Variants in MME observed in about 807,000 individuals in gnomAD.
MME encodes the protein neprilysin.
A neutral mutation model predicts 113.2 loss-of-function variants in MME; 98 were observed. The observed-to-expected ratio is 0.87, with a 90% CI of 0.74 to 1.02. The LOEUF (loss-of-function observed/expected upper bound fraction) is 1.02. Ranked by LOEUF, MME falls within the 50% of genes least tolerant of loss-of-function variation. MME has a pLI of 0.00. For missense variants in MME, 836 were observed against 896.0 expected (o/e 0.93, Z 0.86); for synonymous variants, 292 against 300.6 (o/e 0.97, Z 0.30).
At chr3:155,147,271 G>A (rs373262381) in intron 15 of MME, 47 bp downstream of exon 15, 23 of 1,184,610 alleles carry the variant, frequency 1.9e-5, no homozygotes, top group African/African-American at 1.3e-4. Flanking sequence ...CTTAGGGCTG[G>A]TAGTAGTGTC....
intron 1 of MME, among the ~76,000 whole-genome samples, chr3:155,049,671 C>CTATCTATA (rs1449706698): frequency 2.4e-4 from 26 of 108,350 alleles, no homozygotes; most frequent in South Asian, 1.2e-3. Flanking sequence ...ATCTATCTAT[C>CTATCTATA]TATATATAGA....
At chr3:155,106,208 A>G (rs1395553645) in intron 3 of MME, among the ~76,000 whole-genome samples, 2 of 152,194 alleles carry the variant, frequency 1.3e-5, no homozygotes, top group Non-Finnish European at 2.9e-5. Flanking sequence ...GAACAGTTGT[A>G]TAGTGATGGT....
chr3:155,174,640 T>C (rs1712345493), intron 22 of MME, among the ~76,000 whole-genome samples: 1 of 152,122 alleles, frequency 6.6e-6, no homozygotes, highest in South Asian at 2.1e-4. Context: ...TGTAACCTTA[T>C]GTTTAAATAG....
intron 3 of MME, among the ~76,000 whole-genome samples, chr3:155,101,598 C>T (rs1372654525): frequency 3.3e-5 from 5 of 152,088 alleles, no homozygotes; most frequent in Non-Finnish European, 7.4e-5. Context: ...TTCTTTTTTT[C>T]TTTTCTGTCT....
At chr3:155,161,350 C>T (rs1046187171) in intron 17 of MME, among the ~76,000 whole-genome samples, 2 of 152,022 alleles carry the variant, frequency 1.3e-5, no homozygotes, top group Non-Finnish European at 2.9e-5. Flanking sequence ...CATTTCTAAA[C>T]GTGGTCTAGA....
intron 8 of MME, among the ~76,000 whole-genome samples, chr3:155,135,798 A>G (rs1056009812): frequency 2.6e-5 from 4 of 152,050 alleles, no homozygotes; most frequent in Non-Finnish European, 4.4e-5. Context: ...TGCTTCCTCT[A>G]TGATTTCTTT....
At chr3:155,133,062 A>ATAT (rs376436889) in intron 8 of MME, among the ~76,000 whole-genome samples, 17 of 75,076 alleles carry the variant, frequency 2.3e-4, no homozygotes, top group South Asian at 1.2e-3. Context: ...AAAAAAAAAA[A>ATAT]ATATATATAT....
intron 16 of MME, among the ~76,000 whole-genome samples, chr3:155,156,539 T>C (rs1232097840): frequency 6.6e-6 from 1 of 152,152 alleles, no homozygotes; most frequent in African/African-American, 2.4e-5. Flanking sequence ...ATAACGTAGT[T>C]TGTAGGTGTA....
chr3:155,131,323 G>A (rs1007400727), intron 8 of MME, among the ~76,000 whole-genome samples: 1 of 152,148 alleles, frequency 6.6e-6, no homozygotes, highest in African/African-American at 2.4e-5. Flanking sequence ...CGGCCAATAT[G>A]TGCCTCAGTG....
chr3:155,028,064 C>T lies in MME; in HGVS notation c.-11+3740C>T, dbSNP rs1026557029. On this transcript the variant is annotated intron_variant, in intron 1 of 22. Coordinates refer to the MME transcript ENST00000492661. ...GCCTTCTTTTTAAAATGGGAATGGA[C>T]TCAGTGAAAGGAAAGGGGTGAGGAC... Among the ~76,000 whole-genome samples, 4 of 152,080 alleles carry T rather than the reference C, an allele frequency of 2.6e-5. No homozygotes were observed. In the East Asian group the frequency reaches 7.7e-4, roughly 29 times the overall value.
chr3:155,100,548 A>G (rs1321870021), intron 3 of MME, among the ~76,000 whole-genome samples: 1 of 152,224 alleles, frequency 6.6e-6, no homozygotes, highest in African/African-American at 2.4e-5. Flanking sequence ...ATATACAAAT[A>G]GTATTGTGAT....
intron 3 of MME, among the ~76,000 whole-genome samples, chr3:155,092,656 G>A (rs190417359): frequency 6.6e-5 from 10 of 152,178 alleles, no homozygotes; most frequent in African/African-American, 1.9e-4. Context: ...TATAAACTAC[G>A]ATACCACACA....
At chr3:155,076,648 T>C (rs571044561), upstream of MME, among the ~76,000 whole-genome samples, 5 of 152,352 alleles carry the variant, frequency 3.3e-5, no homozygotes, top group South Asian at 1.0e-3. Flanking sequence ...ATGGCTACTC[T>C]ATAGGCACAG....
Position 155,080,426 on chromosome 3 carries a change from G to C in MME, c.-51G>C, listed in dbSNP as rs1451886225. 1 of 152,090 alleles carries C rather than the reference G, an allele frequency of 6.6e-6. No homozygotes were observed. Among genetic ancestry groups the C allele is most frequent in the Non-Finnish European group, 1.5e-5 (1 of 68,064 alleles). 9.4% of individuals were successfully genotyped at this position (152,090 alleles called of 1,614,324 possible). On this transcript the variant is annotated 5_prime_UTR_variant, in exon 1 of 23. Transcript: ENST00000360490. ...GGGGCTGGGAATTTGCCATTCTGCT[G>C]TACAGACACTGATTTTTTTTTCTTC...
At chr3:155,152,856 A>AG (rs1455162235) in intron 16 of MME, among the ~76,000 whole-genome samples, 1 of 151,900 alleles carries the variant, frequency 6.6e-6, no homozygotes, top group African/African-American at 2.4e-5. Context: ...AAAAAAAAAA[A>AG]TGGTCACATC....
chr3:155,178,484 A>G (rs1176836070), intron 22 of MME, among the ~76,000 whole-genome samples: 1 of 152,090 alleles, frequency 6.6e-6, no homozygotes, highest in African/African-American at 2.4e-5. Flanking sequence ...TTTTCTTCCT[A>G]ATACCCTATT....
At chr3:155,079,630 T>TGGGGGGGGGGGGGGGGGGGGGGGG (rs1455585736), upstream of MME, 1 of 27,486 alleles carries the variant, frequency 3.6e-5, no homozygotes, top group African/African-American at 1.0e-4. Context: ...GGGTAGGGGG[T>TGGGGGGGGGGGGGGGGGGGGGGGG]GGGGGGGGTG....
At chr3:155,039,853 T>C (rs913477629) in intron 1 of MME, among the ~76,000 whole-genome samples, 12 of 152,328 alleles carry the variant, frequency 7.9e-5, no homozygotes, top group Middle Eastern at 3.4e-3. Flanking sequence ...ATATTTATGG[T>C]ACACAACATG....
At chr3:155,024,335 G>A (rs1457830561) in intron 1 of MME, 1 of 152,124 alleles carries the variant, frequency 6.6e-6, no homozygotes, top group Non-Finnish European at 1.5e-5. Context: ...GTAAGTAGTT[G>A]AGTTTCATTT....
Sources: allele counts gnomAD v4.1 joint callset (sites outside exome capture counted in the v4.1 genomes callset), GRCh38; gene constraint gnomAD v4.1.1; transcripts MANE v1.5; gene names NCBI Gene and HGNC (gene_info 2026-07-23, HGNC 2026-07-21).